SEMA3E: variants seen among roughly 807,000 people sequenced by gnomAD.
SEMA3E encodes semaphorin 3E.
In SEMA3E, 49 loss-of-function variants were observed where a neutral mutation model predicts 93.6. The ratio of observed to expected loss-of-function variants is 0.52; its 90% CI spans 0.42 to 0.66. The LOEUF (loss-of-function observed/expected upper bound fraction) is 0.66, where lower values mean the gene tolerates loss of function less well. SEMA3E is among the 30% of genes least tolerant of loss of function. The pLI is 0.00. For synonymous variants in SEMA3E, 363 were observed against 330.7 expected, an observed-to-expected ratio of 1.10 and a Z score of -1.06; for missense variants, 906 against 964.8, an observed-to-expected ratio of 0.94 and a Z score of 0.81.
At chr7:83,647,588 C>T (rs182209048) in intron 1 of SEMA3E, among the ~76,000 whole-genome samples, 1 of 152,260 alleles carries the variant, frequency 6.6e-6, no homozygotes, top group East Asian at 1.9e-4. Flanking sequence ...GGAGGAATTA[C>T]CAAACCTATT....
chr7:83,518,018 A>T (rs1790968220), intron 1 of SEMA3E, among the ~76,000 whole-genome samples: 1 of 152,196 alleles, frequency 6.6e-6, no homozygotes, highest in African/African-American at 2.4e-5. Flanking sequence ...TGTTATTTCC[A>T]TCAGAGACAG....
intron 1 of SEMA3E, among the ~76,000 whole-genome samples, chr7:83,592,856 G>A (rs1792782173): frequency 6.6e-6 from 1 of 152,086 alleles, no homozygotes; most frequent in East Asian, 1.9e-4. Context: ...TAAAAAGGAG[G>A]ACATGAATAA....
Position 83,648,626 on chromosome 7 carries a change from G to A in SEMA3E, c.-84C>T, listed in dbSNP as rs1404755766. 1.1e-5 allele frequency: 11 copies of A among 975,222 alleles called. 1 individual carries two copies. The highest frequency in any genetic ancestry group is 1.1e-4 in the South Asian group (8 of 73,880). The allele number at this position is 975,222 out of a possible 1,614,324, so 60.4% of individuals were successfully genotyped here. A position where few individuals can be genotyped will look rare whatever the true frequency, so the allele number is the denominator to read the frequency against. On this transcript the variant is annotated 5_prime_UTR_variant, in exon 1 of 17. It adds an upstream start codon to the 5' untranslated region. Coordinates refer to ENST00000643230, the MANE Select transcript of SEMA3E (RefSeq NM_012431.3). ...CTTAGGACTTCCCTCCAGGGGCAGCGTGCGAGAGGCTTTGTCAGAAATCGA... is the reference window on the plus strand; with the variant it reads ...CTTAGGACTTCCCTCCAGGGGCAGCATGCGAGAGGCTTTGTCAGAAATCGA...
At chr7:83,522,336 ACAGAGAACCAGATGTGCCTGGGAACTTAT>A (rs1476851805) in intron 1 of SEMA3E, among the ~76,000 whole-genome samples, 1 of 152,048 alleles carries the variant, frequency 6.6e-6, no homozygotes, top group African/African-American at 2.4e-5. Context: ...CATCAACACA[ACAGAGAACCAGATGTGCCTGGGAACTTAT>A]TTCTTCAGAT....
intron 1 of SEMA3E, among the ~76,000 whole-genome samples, chr7:83,632,522 A>G (rs10258688): frequency 0.33 from 49,835 of 151,656 alleles, 9,898 homozygotes; most frequent in African/African-American, 0.56. Flanking sequence ...CCCTGCACAA[A>G]CTCTGTCTTT....
intron 1 of SEMA3E, among the ~76,000 whole-genome samples, chr7:83,521,693 T>C (rs1051112314): frequency 6.6e-6 from 1 of 152,066 alleles, no homozygotes. Flanking sequence ...AATATGGCTG[T>C]CTTCTGGTGT....
intron 1 of SEMA3E, chr7:83,616,796 C>G: frequency 2.3e-6 from 1 of 428,272 alleles, no homozygotes; most frequent in Non-Finnish European, 4.6e-6. Context: ...GTGATCTCCT[C>G]TCACTACAAC....
At chr7:83,376,476 T>C (rs183446306) in intron 16 of SEMA3E, among the ~76,000 whole-genome samples, 8 of 152,132 alleles carry the variant, frequency 5.3e-5, no homozygotes, top group Admixed American at 2.6e-4. Context: ...AAAATTATGT[T>C]TTATTTTAGA....
chr7:83,625,128 C>T (rs2115648159), intron 1 of SEMA3E, among the ~76,000 whole-genome samples: 1 of 152,256 alleles, frequency 6.6e-6, no homozygotes, highest in Non-Finnish European at 1.5e-5. Flanking sequence ...GTTACTGTAG[C>T]CTTGCAGTAT....
chr7:83,632,664 A>G (rs1793809879), intron 1 of SEMA3E, among the ~76,000 whole-genome samples: 1 of 152,174 alleles, frequency 6.6e-6, no homozygotes. Context: ...CTCAGGTATG[A>G]GTTTATCAGC....
intron 1 of SEMA3E, among the ~76,000 whole-genome samples, chr7:83,500,887 G>A (rs186953857): frequency 7.2e-4 from 109 of 152,100 alleles, no homozygotes; most frequent in African/African-American, 2.4e-3. Context: ...CACCATGCCC[G>A]GCCTCTTCCT....
At chr7:83,385,112 G>GTA (rs987861063) in intron 16 of SEMA3E, among the ~76,000 whole-genome samples, 182 bp downstream of exon 16, 2 of 150,350 alleles carry the variant, frequency 1.3e-5, no homozygotes, top group Admixed American at 6.7e-5. Context: ...AAATCTATAT[G>GTA]TATATATATT....
chr7:83,592,134 A>G (rs1435046717), intron 1 of SEMA3E, among the ~76,000 whole-genome samples: 5 of 152,102 alleles, frequency 3.3e-5, no homozygotes, highest in Non-Finnish European at 7.4e-5. Flanking sequence ...ATTCTTTACC[A>G]TAAGCTTTAG....
intron 3 of SEMA3E, among the ~76,000 whole-genome samples, chr7:83,468,970 A>G (rs554481247): frequency 2.6e-5 from 4 of 152,362 alleles, no homozygotes; most frequent in Admixed American, 2.6e-4. Context: ...TACATGAGAA[A>G]TAAGCATTAG....
chr7:83,512,518 T>C (rs184054127), intron 1 of SEMA3E, among the ~76,000 whole-genome samples: 10 of 152,292 alleles, frequency 6.6e-5, no homozygotes, highest in Non-Finnish European at 1.3e-4. Context: ...AAAAAAGATA[T>C]TACGTTTTGT....
At chr7:83,494,422 A>G (rs960581856) in intron 1 of SEMA3E, among the ~76,000 whole-genome samples, 8 of 151,884 alleles carry the variant, frequency 5.3e-5, no homozygotes, top group Admixed American at 1.3e-4. Flanking sequence ...ATTAAGGTGT[A>G]AAGTTCTACA....
At chr7:83,632,812 G>A (rs1793813332) in intron 1 of SEMA3E, among the ~76,000 whole-genome samples, 1 of 152,154 alleles carries the variant, frequency 6.6e-6, no homozygotes, top group African/African-American at 2.4e-5. Context: ...GTAAGTACTT[G>A]CTCTTCACTG....
At chr7:83,399,685 T>A (rs1397985106) in intron 11 of SEMA3E, among the ~76,000 whole-genome samples, 1 of 152,208 alleles carries the variant, frequency 6.6e-6, no homozygotes, top group Admixed American at 6.6e-5. Context: ...TTCTTATGCA[T>A]GAAGTATTGA....
At chr7:83,624,680 T>C (rs1177415180) in intron 1 of SEMA3E, among the ~76,000 whole-genome samples, 1 of 152,206 alleles carries the variant, frequency 6.6e-6, no homozygotes, top group African/African-American at 2.4e-5. Context: ...AGGTTGCCTG[T>C]TCACTCTGAT....
Sources: allele counts gnomAD v4.1 joint callset (sites outside exome capture counted in the v4.1 genomes callset), GRCh38; gene constraint gnomAD v4.1.1; transcripts MANE v1.5; gene names NCBI Gene and HGNC (gene_info 2026-07-23, HGNC 2026-07-21).